The following NMNAT2 variants were observed in gnomAD, a reference collection of about 807,000 sequenced individuals.
NMNAT2 encodes the protein nicotinamide/nicotinic acid mononucleotide adenylyltransferase 2.
Under a neutral mutation model 41.6 loss-of-function variants are expected in NMNAT2, and 11 were observed. The ratio of observed to expected loss-of-function variants is 0.26; its 90% CI spans 0.17 to 0.44. NMNAT2 has a LOEUF of 0.44. Among genes scored for constraint, NMNAT2 ranks in the 20% least tolerant of loss-of-function variants. The probability of loss-of-function intolerance (pLI) is 1.00; values close to 1 mark genes in which losing one functional copy is unlikely to be tolerated. For missense variants in NMNAT2, 288 were observed against 407.7 expected (o/e 0.71, Z 2.53); for synonymous variants, 148 against 151.2 (o/e 0.98, Z 0.16).
chr1:183,363,034 C>T (rs1663338164), intron 1 of NMNAT2, among the ~76,000 whole-genome samples: 2 of 152,080 alleles, frequency 1.3e-5, no homozygotes, highest in South Asian at 2.1e-4. Flanking sequence ...TTTGCATTTC[C>T]CTAGTGACTA....
intron 1 of NMNAT2, among the ~76,000 whole-genome samples, chr1:183,304,455 C>A (rs914139921): frequency 3.9e-5 from 6 of 152,256 alleles, no homozygotes; most frequent in African/African-American, 1.2e-4. Context: ...ATTCTTCTAC[C>A]CAGACTCAGT....
At chr1:183,274,808 C>T (rs901087139) in intron 8 of NMNAT2, among the ~76,000 whole-genome samples, 1 of 151,714 alleles carries the variant, frequency 6.6e-6, no homozygotes, top group Non-Finnish European at 1.5e-5. Flanking sequence ...ATTAGATGTC[C>T]TGAAGCGGGG....
chr1:183,295,357 A>G (rs552042361), intron 1 of NMNAT2, among the ~76,000 whole-genome samples: 10 of 152,124 alleles, frequency 6.6e-5, no homozygotes, highest in African/African-American at 2.4e-4. Flanking sequence ...TGAATAGACT[A>G]TTTGTAACAC....
chr1:183,292,916 G>A (rs745701724), intron 2 of NMNAT2, 59 bp from the exon 3 acceptor site: 72 of 1,526,884 alleles, frequency 4.7e-5, no homozygotes, highest in Non-Finnish European at 6.0e-5. Flanking sequence ...ACATCCTTGG[G>A]ATACCAGCCC....
intron 1 of NMNAT2, among the ~76,000 whole-genome samples, chr1:183,410,157 CA>C (rs57169849): frequency 0.48 from 61,684 of 128,548 alleles, 15,603 homozygotes; most frequent in East Asian, 0.64. Flanking sequence ...AAAATAATAC[CA>C]AAAAAAAAAA....
chr1:183,369,263 C>CTTTTTTTTTTTA (rs1663478928), intron 1 of NMNAT2, among the ~76,000 whole-genome samples: 1 of 140,090 alleles, frequency 7.1e-6, no homozygotes, highest in Non-Finnish European at 1.5e-5. Context: ...CTTTTCTTTT[C>CTTTTTTTTTTTA]TTTTTTTTTT....
intron 10 of NMNAT2, among the ~76,000 whole-genome samples, chr1:183,258,441 C>T (rs775764299): frequency 6.6e-6 from 1 of 152,168 alleles, no homozygotes; most frequent in South Asian, 2.1e-4. Flanking sequence ...TTGCTTCTAA[C>T]CTCCAAGCTG....
intron 1 of NMNAT2, among the ~76,000 whole-genome samples, chr1:183,320,474 C>T (rs940972751): frequency 1.4e-4 from 21 of 152,034 alleles, no homozygotes; most frequent in African/African-American, 4.1e-4. Context: ...GGTGTGGTGG[C>T]GGGTGCCTGT....
chr1:183,316,570 G>GC (rs1662254724), intron 1 of NMNAT2, among the ~76,000 whole-genome samples: 2 of 152,142 alleles, frequency 1.3e-5, no homozygotes, highest in Admixed American at 6.5e-5. Flanking sequence ...GGGCTCGCCA[G>GC]CCCCCCACCA....
At chr1:183,288,528 T>A (rs553798305) in intron 4 of NMNAT2, among the ~76,000 whole-genome samples, 1 of 152,332 alleles carries the variant, frequency 6.6e-6, no homozygotes, top group South Asian at 2.1e-4. Context: ...ACCCTGGGCA[T>A]AAGTAACACA....
At chr1:183,413,738 C>A (rs1649181116) in intron 1 of NMNAT2, among the ~76,000 whole-genome samples, 2 of 150,974 alleles carry the variant, frequency 1.3e-5, no homozygotes, top group Admixed American at 1.3e-4. Context: ...TCCTGAGTAG[C>A]TGGGACTACA....
chr1:183,291,465 C>T (rs1475433519), intron 3 of NMNAT2, among the ~76,000 whole-genome samples: 2 of 152,156 alleles, frequency 1.3e-5, no homozygotes, highest in East Asian at 1.9e-4. Context: ...CAGTGTCAGG[C>T]GCCCCACCCC....
At chr1:183,344,009 T>C (rs2102347356) in intron 1 of NMNAT2, among the ~76,000 whole-genome samples, 1 of 152,294 alleles carries the variant, frequency 6.6e-6, no homozygotes, top group Admixed American at 6.5e-5. Context: ...CTCAGGGTCT[T>C]TGCCCATAAT....
At chr1:183,347,194 C>G (rs1662949000) in intron 1 of NMNAT2, among the ~76,000 whole-genome samples, 2 of 152,178 alleles carry the variant, frequency 1.3e-5, no homozygotes, top group African/African-American at 4.8e-5. Context: ...GCGGTTCACG[C>G]CTGTAATCCC....
chr1:183,340,590 C>T (rs536739604), intron 1 of NMNAT2, among the ~76,000 whole-genome samples: 1 of 152,274 alleles, frequency 6.6e-6, no homozygotes, highest in East Asian at 1.9e-4. Flanking sequence ...TCCCAAAGTG[C>T]TGGGATTACA....
At position 183,417,829 on chromosome 1, in the gene NMNAT2, C is replaced by T. The variant is rs77640924; in HGVS notation, c.85+354G>A. On this transcript the variant is annotated intron_variant, in intron 1 of 10. Coordinates refer to ENST00000287713, the MANE Select transcript of NMNAT2 (RefSeq NM_015039.4). ...CCCCTACTCGGCGCCCCAACCTCTG[C>T]CCCCATCCCGGTCTTCGCCAGCCTG... Among the ~76,000 whole-genome samples the T allele has an allele frequency of 4.4e-3, 664 of 152,326 alleles. 7 individuals are homozygous for T. The highest frequency in any genetic ancestry group is 0.029 in the Admixed American group (445 of 15,300).
intron 1 of NMNAT2, among the ~76,000 whole-genome samples, chr1:183,383,935 C>T (rs1337615571): frequency 6.6e-6 from 1 of 152,138 alleles, no homozygotes; most frequent in African/African-American, 2.4e-5. Context: ...AAGTTGCTTC[C>T]ACATTTTCAG....
intron 1 of NMNAT2, among the ~76,000 whole-genome samples, chr1:183,397,871 G>T (rs1218814273): frequency 2.0e-5 from 3 of 152,166 alleles, no homozygotes; most frequent in Non-Finnish European, 4.4e-5. Context: ...GAGAGATTTT[G>T]TCACCACCAG....
intron 8 of NMNAT2, among the ~76,000 whole-genome samples, chr1:183,270,159 C>T (rs1051495834): frequency 1.3e-5 from 2 of 152,178 alleles, no homozygotes; most frequent in African/African-American, 4.8e-5. Flanking sequence ...TCTGGGATTA[C>T]AGTAGTGAGC....
Sources: allele counts gnomAD v4.1 joint callset (sites outside exome capture counted in the v4.1 genomes callset), GRCh38; gene constraint gnomAD v4.1.1; transcripts MANE v1.5; gene names NCBI Gene and HGNC (gene_info 2026-07-23, HGNC 2026-07-21).